The following DPP10 variants were observed in gnomAD, a reference collection of about 807,000 sequenced individuals.
DPP10 encodes inactive dipeptidyl peptidase 10.
Under a neutral mutation model 120.9 loss-of-function variants are expected in DPP10, and 33 were observed. The ratio of observed to expected loss-of-function variants is 0.27; its 90% CI spans 0.21 to 0.37. DPP10 has a LOEUF of 0.37. DPP10 is among the 10% of genes least tolerant of loss of function. The pLI is 1.00. For synonymous variants in DPP10, 337 were observed against 326.1 expected, an observed-to-expected ratio of 1.03 and a Z score of -0.36; for missense variants, 816 against 942.8, an observed-to-expected ratio of 0.87 and a Z score of 1.76.
intron 1 of DPP10, among the ~76,000 whole-genome samples, chr2:114,606,967 T>G (rs1692862856): frequency 1.3e-5 from 2 of 152,186 alleles, no homozygotes; most frequent in South Asian, 4.1e-4. Flanking sequence ...GAGAGAGTGC[T>G]AAAATGAAAA....
chr2:114,444,142 T>C (rs1424124132), intron 1 of DPP10, among the ~76,000 whole-genome samples: 1 of 152,132 alleles, frequency 6.6e-6, no homozygotes, highest in Admixed American at 6.5e-5. Flanking sequence ...TAATAACAGA[T>C]ATGAGAATCT....
intron 1 of DPP10, among the ~76,000 whole-genome samples, chr2:114,758,972 GC>G (rs1271985743): frequency 1.3e-5 from 2 of 152,122 alleles, no homozygotes; most frequent in African/African-American, 4.8e-5. Context: ...TAGCTATCAA[GC>G]AAAAAGTGGA....
intron 1 of DPP10, among the ~76,000 whole-genome samples, chr2:114,770,817 T>G (rs552379759): frequency 6.6e-6 from 1 of 152,326 alleles, no homozygotes; most frequent in Admixed American, 6.5e-5. Context: ...GTCCCTTCTC[T>G]ACAAGGAATA....
intron 1 of DPP10, chr2:115,162,389 C>T: frequency 7.6e-7 from 1 of 1,315,506 alleles, no homozygotes; most frequent in Non-Finnish European, 1.0e-6. Flanking sequence ...CTGAAGAAAT[C>T]TGCTGCGCTC....
At chr2:114,612,128 T>G (rs1299479192) in intron 1 of DPP10, among the ~76,000 whole-genome samples, 4 of 152,168 alleles carry the variant, frequency 2.6e-5, no homozygotes, top group Admixed American at 2.0e-4. Flanking sequence ...CTCCCTCCAC[T>G]GGTTTTCTTC....
intron 1 of DPP10, among the ~76,000 whole-genome samples, chr2:114,781,969 A>C (rs1434757610): frequency 6.6e-6 from 1 of 152,124 alleles, no homozygotes; most frequent in Middle Eastern, 3.2e-3. Flanking sequence ...TAAATTGTGT[A>C]TGATATTTTT....
rs562656321 is a variant in DPP10, at chr2:114,491,720, G to T, written c.60+48882G>T. Among the ~76,000 whole-genome samples, 6 of 152,300 alleles carry T rather than the reference G, an allele frequency of 3.9e-5. No homozygotes were observed. In the South Asian group the frequency reaches 1.2e-3, roughly 32 times the overall value. On this transcript the variant is annotated intron_variant, in intron 1 of 25. Transcript: ENST00000410059. Reference sequence around the variant, plus strand: ...GAAGCATAAAAATACATGCTCTCAAGATGAATACATGTCAGGTAAGTTCTA... The same window carrying T: ...GAAGCATAAAAATACATGCTCTCAATATGAATACATGTCAGGTAAGTTCTA...
chr2:115,128,380 G>A (rs2050181299), intron 1 of DPP10, among the ~76,000 whole-genome samples: 1 of 152,050 alleles, frequency 6.6e-6, no homozygotes, highest in Non-Finnish European at 1.5e-5. Flanking sequence ...TCCCTTAGAC[G>A]CCGGAAGTGA....
At position 115,753,180 on chromosome 2, in the gene DPP10, CT is replaced by C; in HGVS notation, c.958del (p.Tyr320IlefsTer8). The C allele has an allele frequency of 6.2e-7, 1 of 1,610,020 alleles. No individual in the cohort carries two copies. The highest frequency in any genetic ancestry group is 1.1e-5 in the South Asian group (1 of 90,738). Reference sequence around the variant, plus strand: ...AATTTTGTTTCCAAACTAGAGAATACTATATCACTATGGTTAAATGGGTAAG... The same window carrying C: ...AATTTTGTTTCCAAACTAGAGAATACATATCACTATGGTTAAATGGGTAAG... Reference protein sequence around the residue: ...PPDSFKSREYYITMVKWVSNT... With the variant: ...PPDSFKSREYXITMVKWVSNT... On this transcript the variant is annotated frameshift_variant, in exon 11 of 26. Transcript: ENST00000410059. LOFTEE classifies it high-confidence loss of function.
chr2:115,038,918 G>T (rs944744700), intron 1 of DPP10, among the ~76,000 whole-genome samples: 3 of 152,154 alleles, frequency 2.0e-5, no homozygotes, highest in African/African-American at 7.2e-5. Flanking sequence ...CTGGGACTCA[G>T]ATCACCGAAG....
intron 3 of DPP10, among the ~76,000 whole-genome samples, chr2:115,364,520 T>C (rs1325442090): frequency 6.6e-6 from 1 of 152,124 alleles, no homozygotes; most frequent in Non-Finnish European, 1.5e-5. Flanking sequence ...ATACTAATTT[T>C]GTCTGGAATA....
At chr2:114,940,199 T>C (rs1328041946) in intron 1 of DPP10, among the ~76,000 whole-genome samples, 1 of 152,176 alleles carries the variant, frequency 6.6e-6, no homozygotes, top group Admixed American at 6.5e-5. Flanking sequence ...CACAATCGAA[T>C]TTTTTCCTTC....
chr2:115,047,614 T>G (rs1705162814), intron 1 of DPP10, among the ~76,000 whole-genome samples: 1 of 152,074 alleles, frequency 6.6e-6, no homozygotes, highest in Non-Finnish European at 1.5e-5. Context: ...CAATGTGAAT[T>G]ACGCAAGCAT....
chr2:115,389,670 C>T (rs980662507), intron 3 of DPP10, among the ~76,000 whole-genome samples: 1 of 152,150 alleles, frequency 6.6e-6, no homozygotes, highest in African/African-American at 2.4e-5. Flanking sequence ...TGAATTATAA[C>T]ACCCACTAGC....
chr2:114,661,214 C>G (rs1475816041), intron 1 of DPP10, among the ~76,000 whole-genome samples: 1 of 152,206 alleles, frequency 6.6e-6, no homozygotes, highest in Non-Finnish European at 1.5e-5. Context: ...ATGGCTTCCA[C>G]TCTTCCATGT....
chr2:114,862,368 C>A (rs761594122), intron 1 of DPP10, among the ~76,000 whole-genome samples: 1 of 152,098 alleles, frequency 6.6e-6, no homozygotes, highest in Non-Finnish European at 1.5e-5. Flanking sequence ...TTGCATTTTG[C>A]TATTTCCTTC....
intron 1 of DPP10, among the ~76,000 whole-genome samples, chr2:114,675,236 A>G (rs1194848213): frequency 6.6e-6 from 1 of 152,120 alleles, no homozygotes; most frequent in Non-Finnish European, 1.5e-5. Flanking sequence ...ACTTTTATGA[A>G]ATCCTGGATA....
intron 5 of DPP10, among the ~76,000 whole-genome samples, chr2:115,541,320 A>C (rs1479047661): frequency 1.3e-5 from 2 of 151,858 alleles, no homozygotes; most frequent in Non-Finnish European, 2.9e-5. Flanking sequence ...TGTTGCGATG[A>C]TCATCCTTGC....
chr2:114,809,787 G>A (rs966394196), intron 1 of DPP10, among the ~76,000 whole-genome samples: 1 of 152,188 alleles, frequency 6.6e-6, no homozygotes, highest in East Asian at 1.9e-4. Context: ...TCTGCAGCAG[G>A]GTCTGAGAAT....
Sources: allele counts gnomAD v4.1 joint callset (sites outside exome capture counted in the v4.1 genomes callset), GRCh38; gene constraint gnomAD v4.1.1; transcripts MANE v1.5; gene names NCBI Gene and HGNC (gene_info 2026-07-23, HGNC 2026-07-21).